SPAG1: variants seen among roughly 807,000 people sequenced by gnomAD.
The protein encoded by SPAG1 is sperm-associated antigen 1.
A neutral mutation model predicts 100.5 loss-of-function variants in SPAG1; 69 were observed. The ratio of observed to expected loss-of-function variants is 0.69; its 90% confidence interval spans 0.57 to 0.84. SPAG1 has a LOEUF of 0.84. SPAG1 is among the 40% of genes least tolerant of loss of function. The pLI is 0.00. For missense variants in SPAG1, 955 were observed against 1,133.1 expected (o/e 0.84, Z 2.26); for synonymous variants, 336 against 411.6 (o/e 0.82, Z 2.22).
At chr8:100,174,615 C>T (rs1350298324) in intron 3 of SPAG1, among the ~76,000 whole-genome samples, 1 of 152,202 alleles carries the variant, frequency 6.6e-6, no homozygotes, top group East Asian at 1.9e-4. Context: ...CCCCGTATCA[C>T]AGAGGGTAGA....
At chr8:100,170,752 A>T (rs1325429536) in intron 3 of SPAG1, among the ~76,000 whole-genome samples, 1 of 152,068 alleles carries the variant, frequency 6.6e-6, no homozygotes, top group Non-Finnish European at 1.5e-5. Context: ...TACCTGCAGG[A>T]TCATGCCATC....
At position 100,169,358 on chromosome 8, in the gene SPAG1, A is replaced by T. The variant is rs553714210; in HGVS notation, c.300+3385A>T. ...CACTTGAGCCCAGGAGTTTTAGGCT[A>T]TCATGCACTATTACCAAGCCTGTGA... On this transcript the variant is annotated intron_variant, in intron 3 of 18. Coordinates refer to ENST00000388798, the MANE Select transcript of SPAG1 (RefSeq NM_003114.5). 7.2e-5 allele frequency among the ~76,000 whole-genome samples: 11 copies of T among 152,260 alleles called. No individual in the cohort carries two copies. The South Asian group carries it at 2.1e-3, about 29-fold the overall frequency.
intron 13 of SPAG1, among the ~76,000 whole-genome samples, chr8:100,222,083 G>C (rs1818308229): frequency 6.6e-6 from 1 of 152,232 alleles, no homozygotes; most frequent in African/African-American, 2.4e-5. Flanking sequence ...GCGCTGCACA[G>C]CCACCCCACG....
chr8:100,190,788 C>T (rs1816783341), intron 8 of SPAG1, among the ~76,000 whole-genome samples: 1 of 151,440 alleles, frequency 6.6e-6, no homozygotes, highest in Non-Finnish European at 1.5e-5. Context: ...CCTCAGTCTC[C>T]CGAGTAGCTG....
In SPAG1 at chr8:100,183,417, G is replaced by T; in HGVS notation, c.469G>T (p.Asp157Tyr). ...ACCAACTAAAAAGAAAACTCCAAGGGATTACGCGGAATGGGATAAGTATGT... is the reference window on the plus strand; with the variant it reads ...ACCAACTAAAAAGAAAACTCCAAGGTATTACGCGGAATGGGATAAGTATGT... ...KRPTKKKTPR[D>Y]YAEWDKFDVE... The change falls in exon 5 of 19, where the codon GAT (aspartate) becomes TAT (tyrosine). Residue 157 changes from aspartate (D) to tyrosine (Y), a missense_variant. By Grantham distance (160) the Asp-to-Tyr change is radical (BLOSUM62 -3). Transcript: ENST00000388798. The T allele has an allele frequency of 6.7e-7, 1 of 1,498,894 alleles. No homozygotes were observed. The highest frequency in any genetic ancestry group is 9.2e-7 in the Non-Finnish European group (1 of 1,086,660). The allele number at this position is 1,498,894 out of a possible 1,614,324, so 92.8% of individuals were successfully genotyped here.
rs755575791 is a variant in SPAG1, at chr8:100,194,424, T to C, written c.1096+156T>C. 9 of 1,020,166 alleles carry C rather than the reference T, an allele frequency of 8.8e-6. 1 individual carries two copies. In the South Asian group the frequency reaches 9.4e-5, roughly 11 times the overall value. 63.2% of individuals were successfully genotyped at this position (1,020,166 alleles called of 1,614,324 possible). On this transcript the variant is annotated intron_variant, in intron 10 of 18. Transcript: ENST00000388798. Reference sequence around the variant, plus strand: ...CCAGTTTCGCTCATCTTTTTCTTAATACAGCTTGGTAGAATCTCTCAAACC... The same window carrying C: ...CCAGTTTCGCTCATCTTTTTCTTAACACAGCTTGGTAGAATCTCTCAAACC...
intron 13 of SPAG1, among the ~76,000 whole-genome samples, chr8:100,223,357 A>G (rs2132398370): frequency 6.6e-6 from 1 of 152,294 alleles, no homozygotes; most frequent in South Asian, 2.1e-4. Context: ...ATATGTACTC[A>G]GGAAGGTTCA....
intron 2 of SPAG1, among the ~76,000 whole-genome samples, chr8:100,164,836 G>A (rs918750413): frequency 1.3e-5 from 2 of 152,168 alleles, no homozygotes; most frequent in African/African-American, 4.8e-5. Flanking sequence ...ATGCTATCAA[G>A]CAAATTACCA....
chr8:100,195,856 A>C (rs62532721), intron 10 of SPAG1, among the ~76,000 whole-genome samples: 1 of 152,114 alleles, frequency 6.6e-6, no homozygotes, highest in South Asian at 2.1e-4. Context: ...GATACAGAAC[A>C]GTTCTACCAC....
intron 13 of SPAG1, among the ~76,000 whole-genome samples, chr8:100,224,277 C>A (rs761122517): frequency 2.6e-5 from 4 of 151,928 alleles, no homozygotes; most frequent in African/African-American, 9.7e-5. Context: ...GGGCTGGGTG[C>A]GGTGGCTCAC....
intron 13 of SPAG1, among the ~76,000 whole-genome samples, chr8:100,223,825 C>A (rs977787815): frequency 2.6e-5 from 4 of 151,690 alleles, no homozygotes; most frequent in Admixed American, 2.6e-4. Context: ...GGTGGTTATA[C>A]ATTAATTTAA....
intron 10 of SPAG1, among the ~76,000 whole-genome samples, chr8:100,196,082 T>A (rs901740578): frequency 6.6e-6 from 1 of 152,216 alleles, no homozygotes; most frequent in Non-Finnish European, 1.5e-5. Flanking sequence ...CTGAGTAGCA[T>A]TCCATTAATA....
At chr8:100,219,174 CTCAT>C (rs767936322) in intron 12 of SPAG1, among the ~76,000 whole-genome samples, 23 of 152,226 alleles carry the variant, frequency 1.5e-4, no homozygotes, top group Non-Finnish European at 2.8e-4. Flanking sequence ...TCAATGTTTC[CTCAT>C]TGCTGAATCA....
chr8:100,199,506 C>T (rs1230965441), intron 10 of SPAG1, among the ~76,000 whole-genome samples: 1 of 152,168 alleles, frequency 6.6e-6, no homozygotes, highest in African/African-American at 2.4e-5. Context: ...AGTGCAATGG[C>T]ATGATCTTGG....
Position 100,172,249 on chromosome 8 carries a change from AG to A in SPAG1, c.301-5565del, listed in dbSNP as rs1815892406. Among the ~76,000 whole-genome samples, 5 of 152,198 alleles carry A rather than the reference AG, an allele frequency of 3.3e-5. No individual in the cohort carries two copies. The South Asian group carries it at 1.0e-3, about 32-fold the overall frequency. On this transcript the variant is annotated intron_variant, in intron 3 of 18. Transcript: ENST00000388798. ...GAACTTTTCATTGGCTTTTATAGTT[AG>A]GAAGGTTTTCTCTCCACCAGATACA...
At chr8:100,221,198 C>T (rs1818261760) in intron 13 of SPAG1, among the ~76,000 whole-genome samples, 1 of 152,166 alleles carries the variant, frequency 6.6e-6, no homozygotes, top group African/African-American at 2.4e-5. Flanking sequence ...TCATTGGCAC[C>T]ATATCTGTCA....
intron 10 of SPAG1, among the ~76,000 whole-genome samples, chr8:100,212,057 T>C (rs1817739499): frequency 6.6e-6 from 1 of 152,242 alleles, no homozygotes; most frequent in African/African-American, 2.4e-5. Flanking sequence ...CAAAATCTTT[T>C]TATTGTTTTA....
chr8:100,226,208 G>A (rs1818506603), intron 14 of SPAG1, among the ~76,000 whole-genome samples: 1 of 151,950 alleles, frequency 6.6e-6, no homozygotes, highest in Non-Finnish European at 1.5e-5. Flanking sequence ...TGTTGCCCAT[G>A]CTGGTCTCAA....
chr8:100,196,823 C>T (rs561671976), intron 10 of SPAG1, among the ~76,000 whole-genome samples: 2 of 152,008 alleles, frequency 1.3e-5, no homozygotes, highest in African/African-American at 2.4e-5. Flanking sequence ...CTCTGTTGTT[C>T]GGGCTAGAGT....
Sources: allele counts gnomAD v4.1 joint callset (sites outside exome capture counted in the v4.1 genomes callset), GRCh38; gene constraint gnomAD v4.1.1; transcripts MANE v1.5; gene names NCBI Gene and HGNC (gene_info 2026-07-23, HGNC 2026-07-21).